Variants in SHCBP1L observed in about 807,000 individuals in gnomAD.
SHCBP1L encodes SHC binding and spindle associated 1 like.
A neutral mutation model predicts 62.5 loss-of-function variants in SHCBP1L; 67 were observed. The ratio of observed to expected loss-of-function variants is 1.07; its 90% CI spans 0.88 to 1.31. The LOEUF (loss-of-function observed/expected upper bound fraction) is 1.31, where lower values mean the gene tolerates loss of function less well. Ranked by LOEUF, SHCBP1L falls within the 40% of genes most tolerant of loss-of-function variation. The pLI, the probability that SHCBP1L is intolerant of heterozygous loss-of-function variation, is 0.00. For missense variants in SHCBP1L, 823 were observed against 809.8 expected (o/e 1.02, Z -0.20); for synonymous variants, 284 against 289.4 (o/e 0.98, Z 0.19).
intron 2 of SHCBP1L, among the ~76,000 whole-genome samples, chr1:182,944,213 CT>C (rs1651476019): frequency 6.6e-6 from 1 of 152,046 alleles, no homozygotes; most frequent in Non-Finnish European, 1.5e-5. Context: ...TGAGACCAGC[CT>C]GGCCAACGTG....
intron 6 of SHCBP1L, among the ~76,000 whole-genome samples, chr1:182,910,832 G>A (rs182450909): frequency 1.3e-5 from 2 of 152,130 alleles, no homozygotes; most frequent in Non-Finnish European, 2.9e-5. Context: ...GAGACAATCT[G>A]CAAACACTGG....
At chr1:182,905,933 C>T (rs550333291) in intron 6 of SHCBP1L, among the ~76,000 whole-genome samples, 2 of 152,034 alleles carry the variant, frequency 1.3e-5, no homozygotes, top group East Asian at 1.9e-4. Flanking sequence ...AGTTCCTTGA[C>T]GTATTATTAT....
rs1182783771 is a variant in SHCBP1L, at chr1:182,930,653, A to ATGTG, written c.1077-905_1077-902dup. Among the ~76,000 whole-genome samples, 120 of 24,658 alleles carry ATGTG rather than the reference A, an allele frequency of 4.9e-3. 1 individual carries two copies. Among genetic ancestry groups the ATGTG allele is most frequent in the African/African-American group, 9.5e-3 (68 of 7,124 alleles). The allele number at this position is 24,658 out of a possible 152,430, so 16.2% of individuals were successfully genotyped here. The stretch of plus-strand genomic sequence containing the variant: ...AAGACAGGGTCTTGCCCTGGAGTAT[A>ATGTG]TGTGTGTGTGTGTGTGTGTGTGTGT... On this transcript the variant is annotated intron_variant, in intron 5 of 9. Coordinates refer to ENST00000367547, the MANE Select transcript of SHCBP1L (RefSeq NM_030933.4).
At chr1:182,922,868 C>T (rs1238455091) in intron 6 of SHCBP1L, among the ~76,000 whole-genome samples, 1 of 151,974 alleles carries the variant, frequency 6.6e-6, no homozygotes, top group African/African-American at 2.4e-5. Context: ...GTAAACCAAT[C>T]CCAAAGCTAG....
chr1:182,911,245 A>G (rs958347136), intron 6 of SHCBP1L, among the ~76,000 whole-genome samples: 9 of 152,132 alleles, frequency 5.9e-5, no homozygotes, highest in African/African-American at 1.9e-4. Context: ...ATCACTCACT[A>G]TCTACTGAGA....
At chr1:182,900,524 C>T (rs2101915365) in intron 9 of SHCBP1L, among the ~76,000 whole-genome samples, 1 of 152,244 alleles carries the variant, frequency 6.6e-6, no homozygotes, top group Non-Finnish European at 1.5e-5. Flanking sequence ...CCTCCGCCTC[C>T]CGGTTCAAGT....
In SHCBP1L at chr1:182,902,953, G is replaced by A. The variant is rs528405720; in HGVS notation, c.1710+86C>T. ...CCAAATCAATGATAATATGTAGACT[G>A]CCTTTTAAGACTAAAACTAATATTT... On this transcript the variant is annotated intron_variant, in intron 9 of 9. Transcript: ENST00000367547. 134 of 1,017,632 alleles carry A rather than the reference G, an allele frequency of 1.3e-4. 2 individuals are homozygous for A. The South Asian group carries it at 3.0e-3, about 23-fold the overall frequency. 63.0% of individuals were successfully genotyped at this position (1,017,632 alleles called of 1,614,324 possible). A position where few individuals can be genotyped will look rare whatever the true frequency, so the allele number is the denominator to read the frequency against.
intron 5 of SHCBP1L, among the ~76,000 whole-genome samples, chr1:182,935,784 G>C (rs1651147945): frequency 6.6e-6 from 1 of 152,162 alleles, no homozygotes; most frequent in African/African-American, 2.4e-5. Context: ...AATTGTCCTA[G>C]TTCTTAAAGG....
chr1:182,940,261 T>C (rs1246072930), intron 3 of SHCBP1L, 68 bp downstream of exon 3: 6 of 1,351,822 alleles, frequency 4.4e-6, no homozygotes, highest in Non-Finnish European at 6.2e-6. Flanking sequence ...AGCGATTATA[T>C]GAACAAAACC....
rs1316613009 is a variant in SHCBP1L, at chr1:182,937,063, A to G, written c.1076+2113T>C. Reference sequence around the variant, plus strand: ...GGCAAGACCCTGTCTCAGAAAAATAAATAAATAAAATAATAATAATAATGA... The same window carrying G: ...GGCAAGACCCTGTCTCAGAAAAATAGATAAATAAAATAATAATAATAATGA... On this transcript the variant is annotated intron_variant, in intron 5 of 9. Transcript: ENST00000367547. Among the ~76,000 whole-genome samples, 4 of 151,804 alleles carry G rather than the reference A, an allele frequency of 2.6e-5. No individual in the cohort carries two copies. The East Asian group carries it at 7.7e-4, about 29-fold the overall frequency.
At chr1:182,915,870 G>C (rs950486819) in intron 6 of SHCBP1L, among the ~76,000 whole-genome samples, 1 of 149,430 alleles carries the variant, frequency 6.7e-6, no homozygotes, top group Non-Finnish European at 1.5e-5. Flanking sequence ...GCAGTGGCGC[G>C]ATCTCGGCTC....
intron 5 of SHCBP1L, among the ~76,000 whole-genome samples, chr1:182,934,333 A>G (rs1439746796): frequency 6.6e-6 from 1 of 152,182 alleles, no homozygotes; most frequent in African/African-American, 2.4e-5. Context: ...CCTTTGCTCA[A>G]CATTCTCAGT....
chr1:182,905,692 A>G (rs1054555833), intron 6 of SHCBP1L, 43 bp from the exon 7 acceptor site: 2 of 1,576,266 alleles, frequency 1.3e-6, no homozygotes, highest in Non-Finnish European at 1.7e-6. Flanking sequence ...AATAGGTTAA[A>G]CTGAAACATG....
chr1:182,911,006 C>T (rs1358195057), intron 6 of SHCBP1L, among the ~76,000 whole-genome samples: 2 of 152,102 alleles, frequency 1.3e-5, no homozygotes, highest in African/African-American at 4.8e-5. Flanking sequence ...TCTCCTGCCT[C>T]AGCCTCCCAA....
In SHCBP1L at chr1:182,940,353, A is replaced by G. The variant is rs116513797; in HGVS notation, c.746T>C (p.Ile249Thr). Residue 249 changes from isoleucine (I) to threonine (T), a missense_variant, in exon 3 of 10, where the codon ATT becomes ACT. By Grantham distance (89) the Ile-to-Thr change is moderately conservative. Coordinates refer to ENST00000367547, the MANE Select transcript of SHCBP1L (RefSeq NM_030933.4). ...VEGQDTDIHV[I>T]ALALEVVRFF... ...CCTGACAACTTCCAAGGCCAAAGCA[A>G]TAACATGTATATCAGTATCTTGTCC... 4,629 of 1,613,940 alleles carry G rather than the reference A, an allele frequency of 2.9e-3. 72 individuals are homozygous for G. In the East Asian group the frequency reaches 0.042, roughly 15 times the overall value.
At chr1:182,926,209 G>A (rs917211873) in intron 6 of SHCBP1L, among the ~76,000 whole-genome samples, 2 of 151,852 alleles carry the variant, frequency 1.3e-5, no homozygotes, top group Admixed American at 1.3e-4. Flanking sequence ...TTTTAAGAAA[G>A]GAAAAAAGAT....
intron 5 of SHCBP1L, among the ~76,000 whole-genome samples, chr1:182,933,456 A>G (rs950251701): frequency 1.3e-5 from 2 of 152,188 alleles, no homozygotes; most frequent in Non-Finnish European, 2.9e-5. Flanking sequence ...ACAAAAAATG[A>G]TGACTCTAGC....
intron 5 of SHCBP1L, among the ~76,000 whole-genome samples, chr1:182,930,883 G>A (rs1245453270): frequency 1.4e-5 from 2 of 140,122 alleles, no homozygotes; most frequent in East Asian, 4.1e-4. Flanking sequence ...GTGCCACCTT[G>A]CCTGGCTTTT....
At chr1:182,936,855 C>G (rs978199662) in intron 5 of SHCBP1L, among the ~76,000 whole-genome samples, 1 of 151,652 alleles carries the variant, frequency 6.6e-6, no homozygotes, top group East Asian at 1.9e-4. Context: ...TTGAGATCAG[C>G]AAGGGCAATA....
Sources: gnomAD v4.1 joint callset for allele counts (sites outside exome capture counted in the v4.1 genomes callset) on GRCh38, gnomAD v4.1.1 for gene constraint, MANE v1.5 for transcripts, NCBI Gene and HGNC (gene_info 2026-07-23, HGNC 2026-07-21) for gene names.